Variants in CTCF observed in about 807,000 individuals in gnomAD.
CTCF encodes the protein CCCTC-binding factor.
CTCF carries 7 observed loss-of-function variants against 72.3 expected under a neutral mutation model. The ratio of observed to expected loss-of-function variants is 0.10; its 90% CI spans 0.06 to 0.18. The LOEUF (loss-of-function observed/expected upper bound fraction) is 0.18, where lower values mean the gene tolerates loss of function less well. Among genes scored for constraint, CTCF ranks in the 10% least tolerant of loss-of-function variants. The pLI is 1.00. For missense variants in CTCF, 516 were observed against 949.1 expected (o/e 0.54, Z 6.00); for synonymous variants, 374 against 315.8 (o/e 1.18, Z -1.95).
intron 10 of CTCF, among the ~76,000 whole-genome samples, chr16:67,634,553 G>A (rs1160805841): frequency 2.5e-5 from 3 of 121,240 alleles, no homozygotes; most frequent in African/African-American, 9.9e-5. Context: ...GGATCTCACT[G>A]TATCACCCAG....
chr16:67,610,843 A>C lies in CTCF; in HGVS notation c.11A>C (p.Asp4Ala), dbSNP rs2052051930. Reference sequence around the variant, plus strand: ...ATAAAGGCAGGGGAAATGGAAGGTGATGCAGTCGAAGCCATTGTGGAGGAG... The same window carrying C: ...ATAAAGGCAGGGGAAATGGAAGGTGCTGCAGTCGAAGCCATTGTGGAGGAG... MEG[D>A]AVEAIVEESE... The change falls in exon 3 of 12, where the codon GAT becomes GCT. Residue 4 changes from aspartate (D) to alanine (A), a missense_variant. Transcript: ENST00000264010. The C allele has an allele frequency of 6.8e-7, 1 of 1,472,880 alleles. No individual in the cohort carries two copies. Among genetic ancestry groups the C allele is most frequent in the Admixed American group, 2.3e-5 (1 of 42,574 alleles). The allele number at this position is 1,472,880 out of a possible 1,614,324, so 91.2% of individuals were successfully genotyped here.
chr16:67,603,296 T>C (rs559014047), intron 2 of CTCF, among the ~76,000 whole-genome samples: 58 of 151,844 alleles, frequency 3.8e-4, no homozygotes, highest in Middle Eastern at 3.4e-3. Context: ...TTTGGGAGGC[T>C]GAGGTGGGGG....
intron 7 of CTCF, among the ~76,000 whole-genome samples, chr16:67,622,349 C>T (rs1340877666): frequency 6.6e-6 from 1 of 150,398 alleles, no homozygotes; most frequent in Non-Finnish European, 1.5e-5. Flanking sequence ...GAGCGCGACT[C>T]TGTCTCAAAA....
intron 1 of CTCF, among the ~76,000 whole-genome samples, chr16:67,566,307 C>A (rs1159003155): frequency 6.6e-6 from 1 of 151,668 alleles, no homozygotes; most frequent in Non-Finnish European, 1.5e-5. Context: ...AGTTTGAGAC[C>A]AGCCTGGCCA....
At chr16:67,576,561 T>G (rs1439720248) in intron 2 of CTCF, among the ~76,000 whole-genome samples, 1 of 148,416 alleles carries the variant, frequency 6.7e-6, no homozygotes, top group Non-Finnish European at 1.5e-5. Flanking sequence ...TTTTTTTTTT[T>G]TTTTTTTTTT....
intron 10 of CTCF, among the ~76,000 whole-genome samples, chr16:67,635,322 C>G (rs942655697): frequency 6.6e-6 from 1 of 150,914 alleles, no homozygotes; most frequent in Non-Finnish European, 1.5e-5. Flanking sequence ...GCCTGGCCAC[C>G]TTTTGTTTTT....
chr16:67,595,885 T>A (rs954375360), intron 2 of CTCF, among the ~76,000 whole-genome samples: 1 of 152,196 alleles, frequency 6.6e-6, no homozygotes, highest in Non-Finnish European at 1.5e-5. Flanking sequence ...TTACCTTCAG[T>A]AGAATTGTGC....
intron 5 of CTCF, among the ~76,000 whole-genome samples, chr16:67,617,504 A>G (rs1455726440): frequency 6.6e-6 from 1 of 152,074 alleles, no homozygotes; most frequent in East Asian, 1.9e-4. Context: ...CTCCATCTCA[A>G]AAAATAATAA....
chr16:67,597,742 C>T (rs1405445664), intron 2 of CTCF, among the ~76,000 whole-genome samples: 1 of 152,114 alleles, frequency 6.6e-6, no homozygotes, highest in Non-Finnish European at 1.5e-5. Flanking sequence ...ACCTTTTATG[C>T]AGTAATTCTC....
chr16:67,614,489 G>C (rs2052104269), intron 4 of CTCF: 1 of 152,252 alleles, frequency 6.6e-6, no homozygotes, highest in Non-Finnish European at 1.5e-5. Context: ...TTGAGGTCAG[G>C]GGTTTGAGAC....
intron 7 of CTCF, among the ~76,000 whole-genome samples, chr16:67,625,939 C>G (rs1324318244): frequency 1.3e-5 from 2 of 151,910 alleles, no homozygotes; most frequent in African/African-American, 4.8e-5. Context: ...ATTCTTCACT[C>G]TCTACAGTCA....
chr16:67,601,336 TG>T lies in CTCF; in HGVS notation c.-9-9487del, dbSNP rs1456006380. On this transcript the variant is annotated intron_variant, in intron 2 of 11. Coordinates refer to ENST00000264010, the MANE Select transcript of CTCF (RefSeq NM_006565.4). ...GTGTGTGTGTGTGTGTGTGTGTGTG[TG>T]TTTTGTTTTGTTTTTTTTTAAGACG... Among the ~76,000 whole-genome samples, 6 of 145,248 alleles carry T rather than the reference TG, an allele frequency of 4.1e-5. No homozygotes were observed. In the East Asian group the frequency reaches 6.2e-4, roughly 15 times the overall value.
At chr16:67,562,976 C>G (rs2051297252) in intron 1 of CTCF, among the ~76,000 whole-genome samples, 1 of 142,664 alleles carries the variant, frequency 7.0e-6, no homozygotes, top group East Asian at 2.1e-4. Context: ...CGCTAGGCCT[C>G]GGGCGGCGGC....
intron 2 of CTCF, among the ~76,000 whole-genome samples, chr16:67,577,459 A>G (rs906772107): frequency 1.4e-5 from 2 of 146,088 alleles, no homozygotes; most frequent in Non-Finnish European, 3.0e-5. Flanking sequence ...ATTTTTTGAG[A>G]TGGAGTCTCG....
intron 7 of CTCF, among the ~76,000 whole-genome samples, chr16:67,623,879 C>T (rs572949183): frequency 6.6e-6 from 1 of 152,128 alleles, no homozygotes; most frequent in East Asian, 1.9e-4. Context: ...GAAACCCCAT[C>T]TCTACTAAAA....
intron 2 of CTCF, among the ~76,000 whole-genome samples, chr16:67,595,387 A>G (rs1020878566): frequency 1.3e-5 from 2 of 152,164 alleles, no homozygotes; most frequent in African/African-American, 4.8e-5. Flanking sequence ...AGCTTCTGTC[A>G]ACTGATTGTA....
intron 5 of CTCF, among the ~76,000 whole-genome samples, chr16:67,619,328 C>T (rs1388727634): frequency 7.2e-5 from 11 of 151,916 alleles, no homozygotes; most frequent in African/African-American, 2.2e-4. Flanking sequence ...CTCAGCTACT[C>T]GGGAGGCTGA....
intron 2 of CTCF, among the ~76,000 whole-genome samples, chr16:67,578,261 C>A (rs759869663): frequency 6.6e-5 from 10 of 151,272 alleles, no homozygotes; most frequent in Non-Finnish European, 1.2e-4. Flanking sequence ...GCAATAAATA[C>A]CAATTTCTGA....
At chr16:67,574,567 C>G (rs1328142899) in intron 2 of CTCF, among the ~76,000 whole-genome samples, 3 of 151,800 alleles carry the variant, frequency 2.0e-5, no homozygotes, top group African/African-American at 7.3e-5. Context: ...GTCTCAAACT[C>G]CTGACCTCAG....
Sources: allele counts gnomAD v4.1 joint callset (sites outside exome capture counted in the v4.1 genomes callset), GRCh38; gene constraint gnomAD v4.1.1; transcripts MANE v1.5; gene names NCBI Gene and HGNC (gene_info 2026-07-23, HGNC 2026-07-21).